Variants in ZP2 observed in about 807,000 individuals in gnomAD.
ZP2 encodes the protein zona pellucida sperm-binding protein 2.
ZP2 carries 51 observed loss-of-function variants against 84.0 expected under a neutral mutation model. The ratio of observed to expected loss-of-function variants is 0.61; its 90% confidence interval spans 0.49 to 0.77. ZP2 has a LOEUF of 0.77. ZP2 is among the 30% of genes least tolerant of loss of function. The probability of loss-of-function intolerance (pLI) is 0.00; values close to 1 mark genes in which losing one functional copy is unlikely to be tolerated. For missense variants in ZP2, 909 were observed against 911.9 expected, an observed-to-expected ratio of 1.00 and a Z score of 0.04; for synonymous variants, 375 against 330.9, an observed-to-expected ratio of 1.13 and a Z score of -1.45.
At position 21,197,626 on chromosome 16, in the gene ZP2, C is replaced by CA. The variant is rs773110618; in HGVS notation, c.2096-5dup. On this transcript the variant is annotated splice_region_variant and splice_polypyrimidine_tract_variant and intron_variant, in intron 18 of 18. Coordinates refer to ENST00000574091, the MANE Select transcript of ZP2 (RefSeq NM_001376232.1). ...TGCCCTTTGGTGTCCATAGCACCTACAAAGGAAGCAGACATTTGAGTCTTA... is the reference window on the plus strand; with the variant it reads ...TGCCCTTTGGTGTCCATAGCACCTACAAAAGGAAGCAGACATTTGAGTCTTA... 4.2e-5 allele frequency: 68 copies of CA among 1,614,110 alleles called. No homozygotes were observed. The African/African-American group carries it at 5.9e-4, about 14-fold the overall frequency.
Position 21,201,569 on chromosome 16 carries a change from A to G in ZP2, c.1505-11T>C, listed in dbSNP as rs2093225437. ...GTTGGTAGGAATTATCTGAAATTGA[A>G]TGGTATTCAAGTAGTTAATGGCTGC... On this transcript the variant is annotated splice_polypyrimidine_tract_variant and intron_variant, in intron 13 of 18. Coordinates refer to ENST00000574091, the MANE Select transcript of ZP2 (RefSeq NM_001376232.1). 1.2e-6 allele frequency: 2 copies of G among 1,603,150 alleles called. No homozygotes were observed. Among genetic ancestry groups the G allele is most frequent in the South Asian group, 2.2e-5 (2 of 88,998 alleles).
At chr16:21,200,146 C>G (rs1431012368) in intron 14 of ZP2, among the ~76,000 whole-genome samples, 1 of 152,194 alleles carries the variant, frequency 6.6e-6, no homozygotes, top group African/African-American at 2.4e-5. Flanking sequence ...TCAGAAGACA[C>G]TGGTTTCTTG....
chr16:21,199,989 A>T, intron 14 of ZP2, 111 bp from the exon 15 acceptor site: 2 of 1,370,490 alleles, frequency 1.5e-6, no homozygotes, highest in Non-Finnish European at 2.0e-6. Context: ...TGCCATATTT[A>T]CCTTCTACCA....
At chr16:21,200,390 A>T (rs1450120185) in intron 14 of ZP2, among the ~76,000 whole-genome samples, 1 of 152,218 alleles carries the variant, frequency 6.6e-6, no homozygotes, top group Non-Finnish European at 1.5e-5. Context: ...GTGAGCTGAG[A>T]TTGTGCCATT....
intron 14 of ZP2, 79 bp downstream of exon 14, chr16:21,201,290 A>G: frequency 7.6e-7 from 1 of 1,308,598 alleles, no homozygotes; most frequent in East Asian, 2.4e-5. Flanking sequence ...GCTGCTCTAA[A>G]GCCCAAGAGG....
chr16:21,213,651 G>C (rs1024610357), upstream of ZP2, among the ~76,000 whole-genome samples: 1 of 152,152 alleles, frequency 6.6e-6, no homozygotes, highest in Non-Finnish European at 1.5e-5. Context: ...TGGAGGGAGC[G>C]AGGCGAGAAA....
chr16:21,201,345 C>G (rs764737577), intron 14 of ZP2, 24 bp downstream of exon 14: 1 of 1,514,728 alleles, frequency 6.6e-7, no homozygotes, highest in Non-Finnish European at 8.8e-7. Context: ...AGCTGGGTAA[C>G]CTGATAGTAC....
chr16:21,204,862 T>G (rs1290887917), intron 7 of ZP2, among the ~76,000 whole-genome samples: 1 of 152,158 alleles, frequency 6.6e-6, no homozygotes, highest in East Asian at 1.9e-4. Flanking sequence ...ATACTTGCTA[T>G]AAAACAATAT....
intron 2 of ZP2, among the ~76,000 whole-genome samples, chr16:21,210,473 G>A (rs1360795462): frequency 6.6e-6 from 1 of 152,220 alleles, no homozygotes; most frequent in East Asian, 1.9e-4. Flanking sequence ...CACCTTGACA[G>A]TGGAGCAGAT....
chr16:21,213,254 AG>A (rs2093281405), upstream of ZP2, among the ~76,000 whole-genome samples: 1 of 152,192 alleles, frequency 6.6e-6, no homozygotes, highest in African/African-American at 2.4e-5. Context: ...CATGTTGGCC[AG>A]GCTGGTCTCG....
chr16:21,211,862 G>A, upstream of ZP2: 2 of 1,054,278 alleles, frequency 1.9e-6, no homozygotes, highest in Non-Finnish European at 2.5e-6. Flanking sequence ...ATTTACAACT[G>A]CAATGTAGAG....
chr16:21,204,105 C>A lies in ZP2; in HGVS notation c.897G>T (p.Leu299=). The A allele has an allele frequency of 1.2e-6, 2 of 1,614,146 alleles. No homozygotes were observed. Among genetic ancestry groups the A allele is most frequent in the African/African-American group, 1.3e-5 (1 of 75,038 alleles). Residue 299 remains leucine (L), a synonymous_variant, in exon 9 of 19, where the codon CTG becomes CTT. Coordinates refer to ENST00000574091, the MANE Select transcript of ZP2 (RefSeq NM_001376232.1). The part of the protein sequence containing the change: ...FENQNIDVSQ[L]HDNGIDLEAT... Reference sequence around the variant, plus strand: ...CTTCTAGATCAATTCCATTGTCATGCAGCTGGCTCACATCAATGTTCTGGT... The same window carrying A: ...CTTCTAGATCAATTCCATTGTCATGAAGCTGGCTCACATCAATGTTCTGGT...
chr16:21,200,020 A>T (rs888582330), intron 14 of ZP2, 142 bp from the exon 15 acceptor site: 1 of 995,980 alleles, frequency 1.0e-6, no homozygotes, highest in African/African-American at 1.6e-5. Context: ...TTTACTCAGC[A>T]TTTCTTACCT....
intron 4 of ZP2, among the ~76,000 whole-genome samples, chr16:21,207,866 A>G (rs1362969065): frequency 2.0e-5 from 3 of 152,060 alleles, no homozygotes; most frequent in East Asian, 1.9e-4. Context: ...GAAGATTAAG[A>G]AGATAAAACC....
intron 4 of ZP2, among the ~76,000 whole-genome samples, chr16:21,208,358 T>C (rs1330782405): frequency 2.6e-5 from 4 of 152,208 alleles, no homozygotes; most frequent in South Asian, 2.1e-4. Context: ...GAAGGACCTA[T>C]GATTACTTCA....
At chr16:21,206,652 A>G (rs113656602) in intron 5 of ZP2, among the ~76,000 whole-genome samples, 186 bp downstream of exon 5, 2 of 152,292 alleles carry the variant, frequency 1.3e-5, no homozygotes, top group African/African-American at 4.8e-5. Flanking sequence ...TGAGGTAAGC[A>G]TTATTGTCCC....
chr16:21,205,906 C>T, intron 5 of ZP2, 131 bp from the exon 6 acceptor site: 1 of 813,158 alleles, frequency 1.2e-6, no homozygotes, highest in Non-Finnish European at 2.1e-6. Flanking sequence ...GCACATGAAC[C>T]CTGACTGTGC....
intron 5 of ZP2, 94 bp from the exon 6 acceptor site, chr16:21,205,869 G>C (rs2093247413): frequency 1.6e-6 from 2 of 1,254,886 alleles, no homozygotes; most frequent in East Asian, 4.9e-5. Context: ...CATACCAAAA[G>C]GCCTGCTGTG....
At chr16:21,198,736 A>C in intron 17 of ZP2, 43 bp downstream of exon 17, 1 of 1,573,936 alleles carries the variant, frequency 6.4e-7, no homozygotes, top group South Asian at 1.1e-5. Flanking sequence ...ATAAAAAGCT[A>C]AGAACTTGAA....
Sources: gnomAD v4.1 joint callset for allele counts (sites outside exome capture counted in the v4.1 genomes callset) on GRCh38, gnomAD v4.1.1 for gene constraint, MANE v1.5 for transcripts, NCBI Gene and HGNC (gene_info 2026-07-23, HGNC 2026-07-21) for gene names.